The following CNBD1 variants were observed in gnomAD, a reference collection of about 807,000 sequenced individuals.
CNBD1 encodes the protein cyclic nucleotide-binding domain-containing protein 1.
In CNBD1, 71 loss-of-function variants were observed where a neutral mutation model predicts 54.4. The ratio of observed to expected loss-of-function variants is 1.30; its 90% CI spans 1.08 to 1.59. The LOEUF (loss-of-function observed/expected upper bound fraction) is 1.59, where lower values mean the gene tolerates loss of function less well. Among genes scored for constraint, CNBD1 ranks in the 40% most tolerant of loss-of-function variants. The probability of loss-of-function intolerance (pLI) is 0.00; values close to 1 mark genes in which losing one functional copy is unlikely to be tolerated. For synonymous variants in CNBD1, 182 were observed against 170.7 expected, an observed-to-expected ratio of 1.07 and a Z score of -0.51; for missense variants, 659 against 518.0, an observed-to-expected ratio of 1.27 and a Z score of -2.64.
chr8:86,872,821 AC>A (rs1563806157), intron 1 of CNBD1, among the ~76,000 whole-genome samples: 1 of 151,878 alleles, frequency 6.6e-6, no homozygotes, highest in African/African-American at 2.4e-5. Flanking sequence ...TTTGGATATT[AC>A]CCCCTTATCA....
At chr8:87,347,755 G>A (rs960145209) in intron 8 of CNBD1, among the ~76,000 whole-genome samples, 3 of 152,078 alleles carry the variant, frequency 2.0e-5, no homozygotes, top group Non-Finnish European at 4.4e-5. Context: ...CATAGACATA[G>A]CATTTGTCTT....
intron 5 of CNBD1, among the ~76,000 whole-genome samples, chr8:87,212,326 C>T (rs536561665): frequency 1.3e-5 from 2 of 152,022 alleles, no homozygotes; most frequent in Admixed American, 6.6e-5. Flanking sequence ...ACAGAAATAC[C>T]AATTGTCTTT....
chr8:87,316,243 G>A (rs1586006523), intron 8 of CNBD1, among the ~76,000 whole-genome samples: 1 of 151,934 alleles, frequency 6.6e-6, no homozygotes, highest in Admixed American at 6.6e-5. Flanking sequence ...CCAACGAATA[G>A]TAAAATCTCA....
intron 4 of CNBD1, among the ~76,000 whole-genome samples, chr8:87,082,843 T>A (rs970161676): frequency 5.3e-5 from 8 of 152,198 alleles, no homozygotes; most frequent in Non-Finnish European, 1.0e-4. Context: ...TCCTTTTGGA[T>A]TGATTTTAAA....
chr8:87,260,281 G>T (rs762777489), intron 6 of CNBD1, among the ~76,000 whole-genome samples: 19 of 152,244 alleles, frequency 1.2e-4, no homozygotes, highest in East Asian at 7.7e-4. Flanking sequence ...TGGTTACAAG[G>T]TTAAGCTCTC....
intron 4 of CNBD1, among the ~76,000 whole-genome samples, chr8:87,054,093 A>G (rs1322221696): frequency 1.3e-5 from 2 of 152,232 alleles, no homozygotes; most frequent in Non-Finnish European, 2.9e-5. Context: ...ATGGAGCCAG[A>G]TGTCTGATAG....
At chr8:87,276,118 A>G (rs1287593792) in intron 6 of CNBD1, among the ~76,000 whole-genome samples, 4 of 151,946 alleles carry the variant, frequency 2.6e-5, no homozygotes, top group Non-Finnish European at 5.9e-5. Flanking sequence ...ACTATCTAAT[A>G]CGTATATATA....
intron 2 of CNBD1, among the ~76,000 whole-genome samples, chr8:87,392,539 A>T (rs1811329230): frequency 6.6e-6 from 1 of 152,054 alleles, no homozygotes; most frequent in African/African-American, 2.4e-5. Flanking sequence ...TTGCTAAGTG[A>T]AAGAAGTTAG....
At chr8:87,301,706 GT>G (rs1007321147) in intron 8 of CNBD1, among the ~76,000 whole-genome samples, 16 of 152,094 alleles carry the variant, frequency 1.1e-4, no homozygotes, top group African/African-American at 3.1e-4. Flanking sequence ...CCAGGACCTG[GT>G]TTTTTGAAAA....
intron 4 of CNBD1, among the ~76,000 whole-genome samples, chr8:86,996,048 G>A (rs916955412): frequency 6.6e-6 from 1 of 152,106 alleles, no homozygotes; most frequent in African/African-American, 2.4e-5. Flanking sequence ...TTTCCCAAGA[G>A]AGAAAGCCCC....
At chr8:87,407,583 A>T (rs983369773) in intron 2 of CNBD1, among the ~76,000 whole-genome samples, 1 of 152,018 alleles carries the variant, frequency 6.6e-6, no homozygotes, top group African/African-American at 2.4e-5. Flanking sequence ...ACAATTTTTC[A>T]GATTGATTTG....
intron 10 of CNBD1, among the ~76,000 whole-genome samples, chr8:87,368,975 G>T (rs1389527498): frequency 6.6e-6 from 1 of 151,780 alleles, no homozygotes; most frequent in Non-Finnish European, 1.5e-5. Context: ...GCTATTAAGG[G>T]GTGCAACCAG....
rs576573624 is a variant in CNBD1 at position 87,360,383 on chromosome 8, T to C, written c.1303+6597T>C. On this transcript the variant is annotated intron_variant, in intron 10 of 10. Transcript: ENST00000518476. ...AATATCTTTTTTTAATCTATATGCA[T>C]CCTTCTCAGACATTGCCTTGAACAT... Among the ~76,000 whole-genome samples the C allele has an allele frequency of 2.2e-3, 331 of 151,996 alleles. 3 individuals carry two copies. Among genetic ancestry groups the C allele is most frequent in the Non-Finnish European group, 3.2e-3 (214 of 67,812 alleles).
intron 8 of CNBD1, among the ~76,000 whole-genome samples, chr8:87,351,385 A>G (rs1444523785): frequency 6.6e-6 from 1 of 152,210 alleles, no homozygotes; most frequent in Non-Finnish European, 1.5e-5. Context: ...AATGCTACAG[A>G]TCAAGGTTTC....
downstream of CNBD1, among the ~76,000 whole-genome samples, chr8:87,383,248 T>G (rs951560179): frequency 6.6e-6 from 1 of 152,090 alleles, no homozygotes; most frequent in African/African-American, 2.4e-5. Context: ...TGCTACAATT[T>G]CAGAAGTTAT....
At chr8:87,314,304 C>T (rs2130893343) in intron 8 of CNBD1, among the ~76,000 whole-genome samples, 1 of 133,750 alleles carries the variant, frequency 7.5e-6, no homozygotes, top group East Asian at 2.0e-4. Flanking sequence ...AATAAAGCAT[C>T]TCATTTTTTA....
At chr8:87,383,071 G>C (rs149319642), downstream of CNBD1, among the ~76,000 whole-genome samples, 2 of 151,792 alleles carry the variant, frequency 1.3e-5, no homozygotes, top group Non-Finnish European at 2.9e-5. Flanking sequence ...ATATGTAAAA[G>C]GCAAAAAGAC....
intron 10 of CNBD1, among the ~76,000 whole-genome samples, chr8:87,363,676 T>C (rs756184828): frequency 6.8e-6 from 1 of 146,458 alleles, no homozygotes. Context: ...CTGTTCATAC[T>C]TTTCGCCCAC....
downstream of CNBD1, among the ~76,000 whole-genome samples, chr8:87,385,611 G>A (rs897089243): frequency 3.3e-5 from 5 of 152,172 alleles, no homozygotes; most frequent in Non-Finnish European, 7.3e-5. Flanking sequence ...GGTAAACAAA[G>A]TGGCTGGGAA....
Sources: gnomAD v4.1 joint callset for allele counts (sites outside exome capture counted in the v4.1 genomes callset) on GRCh38, gnomAD v4.1.1 for gene constraint, MANE v1.5 for transcripts, NCBI Gene and HGNC (gene_info 2026-07-23, HGNC 2026-07-21) for gene names.